TSGA10: variants seen among roughly 807,000 people sequenced by gnomAD.
The protein encoded by TSGA10 is testis specific 10.
In TSGA10, 43 loss-of-function variants were observed where a neutral mutation model predicts 96.6. The observed-to-expected ratio is 0.44, with a 90% CI of 0.35 to 0.57. The LOEUF is 0.57. TSGA10 is among the 20% of genes least tolerant of loss of function. The probability of loss-of-function intolerance (pLI) is 0.01; values close to 1 mark genes in which losing one functional copy is unlikely to be tolerated. For synonymous variants in TSGA10, 229 were observed against 269.9 expected (o/e 0.85, Z 1.48); for missense variants, 703 against 834.4 (o/e 0.84, Z 1.94).
At chr2:99,030,176 G>A (rs186945652) in intron 17 of TSGA10, among the ~76,000 whole-genome samples, 7 of 150,662 alleles carry the variant, frequency 4.6e-5, no homozygotes, top group Admixed American at 2.6e-4. Flanking sequence ...GTGAAACCCC[G>A]TCTCTACTAA....
chr2:99,107,552 A>C (rs2091460915), intron 7 of TSGA10, among the ~76,000 whole-genome samples: 1 of 152,206 alleles, frequency 6.6e-6, no homozygotes, highest in African/African-American at 2.4e-5. Context: ...GAAGTCAGCA[A>C]GCTATATATA....
chr2:99,097,069 G>A (rs1004173261), intron 10 of TSGA10, among the ~76,000 whole-genome samples: 2 of 152,246 alleles, frequency 1.3e-5, no homozygotes, highest in Non-Finnish European at 2.9e-5. Context: ...TGGGGAGGAG[G>A]AGAACTGACT....
chr2:99,143,048 C>T (rs2093588901), intron 1 of TSGA10, among the ~76,000 whole-genome samples: 1 of 151,542 alleles, frequency 6.6e-6, no homozygotes, highest in Non-Finnish European at 1.5e-5. Flanking sequence ...TGTTGACTTT[C>T]TCCCCTAACC....
intron 16 of TSGA10, among the ~76,000 whole-genome samples, chr2:99,055,341 C>A (rs1184345051): frequency 6.6e-6 from 1 of 151,942 alleles, no homozygotes; most frequent in Non-Finnish European, 1.5e-5. Flanking sequence ...TGGTGGTTAC[C>A]TGGAGCTGAT....
At chr2:99,008,243 A>G (rs1328347503) in intron 20 of TSGA10, among the ~76,000 whole-genome samples, 2 of 152,204 alleles carry the variant, frequency 1.3e-5, no homozygotes, top group Admixed American at 1.3e-4. Flanking sequence ...AAGGCAATAC[A>G]GTAAGATTAA....
At chr2:99,015,288 C>T (rs531123919) in intron 20 of TSGA10, among the ~76,000 whole-genome samples, 1 of 152,116 alleles carries the variant, frequency 6.6e-6, no homozygotes, top group Non-Finnish European at 1.5e-5. Context: ...AAAGATAATA[C>T]ACCATGACCA....
In TSGA10 at chr2:99,071,641, G is replaced by A. The variant is rs1215921272; in HGVS notation, c.1107+65C>T. The A allele has an allele frequency of 5.4e-6, 8 of 1,486,704 alleles. No homozygotes were observed. In the East Asian group the frequency reaches 1.6e-4, roughly 30 times the overall value. The allele number at this position is 1,486,704 out of a possible 1,614,324, so 92.1% of individuals were successfully genotyped here. On this transcript the variant is annotated intron_variant, in intron 14 of 20. Coordinates refer to ENST00000393483, the MANE Select transcript of TSGA10 (RefSeq NM_025244.4). ...AGCTCTTCTATAAAATAAAATGAGG[G>A]CTGTTCCTCACAAGAAATTCATATT...
chr2:99,103,081 T>TA (rs538726196), intron 10 of TSGA10, among the ~76,000 whole-genome samples: 1,733 of 126,730 alleles, frequency 0.014, 28 homozygotes, highest in African/African-American at 0.038. Context: ...GTTTTATGAC[T>TA]AAAAAAAAAA....
chr2:99,104,154 T>C lies in TSGA10; in HGVS notation c.460-36A>G, dbSNP rs749750262. On this transcript the variant is annotated intron_variant, in intron 9 of 20. Transcript: ENST00000393483. ...AGAATGACAAGGTTACTGCCATCAC[T>C]AAAAACACCTTAGTAATCTTCCTGA... 1.9e-5 allele frequency: 30 copies of C among 1,608,106 alleles called. No homozygotes were observed. The Admixed American group carries it at 4.7e-4, about 25-fold the overall frequency.
At chr2:99,050,024 T>C (rs1288372725) in intron 16 of TSGA10, among the ~76,000 whole-genome samples, 1 of 152,158 alleles carries the variant, frequency 6.6e-6, no homozygotes, top group Non-Finnish European at 1.5e-5. Flanking sequence ...CTATTGGTCC[T>C]ATAACAGATG....
chr2:99,032,978 G>C (rs1313853976), intron 17 of TSGA10, among the ~76,000 whole-genome samples: 1 of 152,200 alleles, frequency 6.6e-6, no homozygotes, highest in Non-Finnish European at 1.5e-5. Flanking sequence ...GTGCGCTTTT[G>C]TTGCCAACCA....
chr2:99,064,870 T>C, intron 16 of TSGA10, 69 bp downstream of exon 16: 2 of 1,335,730 alleles, frequency 1.5e-6, no homozygotes, highest in African/African-American at 1.5e-5. Context: ...ATTTAATTTA[T>C]GGAAGGCCAA....
At chr2:99,030,382 T>C (rs1478784824) in intron 17 of TSGA10, among the ~76,000 whole-genome samples, 1 of 151,446 alleles carries the variant, frequency 6.6e-6, no homozygotes, top group Non-Finnish European at 1.5e-5. Context: ...GCATGCTGGC[T>C]AACGCCTGTA....
chr2:99,035,500 T>C (rs896884), intron 16 of TSGA10, 61 bp from the exon 17 acceptor site: 59,885 of 1,216,078 alleles, frequency 0.049, 3,871 homozygotes, highest in African/African-American at 0.28. Flanking sequence ...AAGGAAACTA[T>C]AACATGGAAA....
intron 1 of TSGA10, among the ~76,000 whole-genome samples, chr2:99,145,310 C>A (rs1330888023): frequency 6.6e-6 from 1 of 152,160 alleles, no homozygotes; most frequent in Non-Finnish European, 1.5e-5. Context: ...ATAATCCCAG[C>A]ATTTTGGGAG....
chr2:99,088,882 T>C (rs982505077), intron 10 of TSGA10, among the ~76,000 whole-genome samples: 1 of 152,140 alleles, frequency 6.6e-6, no homozygotes, highest in African/African-American at 2.4e-5. Context: ...GTGGGGAAAA[T>C]GGCAGATAGG....
chr2:99,046,944 C>T (rs1195619610), intron 16 of TSGA10, among the ~76,000 whole-genome samples: 1 of 152,178 alleles, frequency 6.6e-6, no homozygotes, highest in African/African-American at 2.4e-5. Flanking sequence ...ACTATAAACA[C>T]CTCTACACAA....
At position 99,110,929 on chromosome 2, in the gene TSGA10, A is replaced by T. The variant is rs200010183; in HGVS notation, c.-139-14T>A. 1 of 90,448 alleles carries T rather than the reference A, an allele frequency of 1.1e-5. No homozygotes were observed. Among genetic ancestry groups the T allele is most frequent in the Non-Finnish European group, 1.7e-5 (1 of 57,500 alleles). The allele number at this position is 90,448 out of a possible 1,614,324, so 5.6% of individuals were successfully genotyped here. ...AATGAGATCAATCTGAAGAAAAAGT[A>T]AAAAAAAAAAAAATTATTTCTATTA... On this transcript the variant is annotated splice_polypyrimidine_tract_variant and intron_variant, in intron 4 of 20. Coordinates refer to ENST00000393483, the MANE Select transcript of TSGA10 (RefSeq NM_025244.4).
chr2:99,061,816 G>A (rs1424686386), intron 16 of TSGA10, among the ~76,000 whole-genome samples: 2 of 152,142 alleles, frequency 1.3e-5, no homozygotes, highest in Non-Finnish European at 2.9e-5. Context: ...TTGGAGATAG[G>A]ACCTTTAAAG....
Sources: gnomAD v4.1 joint callset for allele counts (sites outside exome capture counted in the v4.1 genomes callset) on GRCh38, gnomAD v4.1.1 for gene constraint, MANE v1.5 for transcripts, NCBI Gene and HGNC (gene_info 2026-07-23, HGNC 2026-07-21) for gene names.